The following WWOX variants were observed in gnomAD, a reference collection of about 807,000 sequenced individuals.
WWOX encodes WW domain containing oxidoreductase, also known as WW domain-containing oxidoreductase.
WWOX carries 69 observed loss-of-function variants against 46.2 expected under a neutral mutation model. The ratio of observed to expected loss-of-function variants is 1.49; its 90% CI spans 1.23 to 1.82. WWOX has a LOEUF of 1.82. Ranked by LOEUF, WWOX falls within the 40% of genes most tolerant of loss-of-function variation. The pLI is 0.00. For missense variants in WWOX, 919 were observed against 542.6 expected (o/e 1.69, Z -6.89); for synonymous variants, 359 against 202.6 (o/e 1.77, Z -6.56).
At chr16:78,442,878 T>C (rs1158722844) in intron 8 of WWOX, among the ~76,000 whole-genome samples, 1 of 151,946 alleles carries the variant, frequency 6.6e-6, no homozygotes, top group Non-Finnish European at 1.5e-5. Context: ...ATCCCAGCAC[T>C]TTGGGAGGCC....
chr16:78,298,431 G>C (rs2079978390), intron 5 of WWOX, among the ~76,000 whole-genome samples: 4 of 152,106 alleles, frequency 2.6e-5, no homozygotes, highest in Admixed American at 6.5e-5. Context: ...CTCAATGCCT[G>C]TGTGATCCTG....
At chr16:78,605,196 T>C (rs2045725881) in intron 8 of WWOX, among the ~76,000 whole-genome samples, 1 of 151,730 alleles carries the variant, frequency 6.6e-6, no homozygotes, top group South Asian at 2.1e-4. Context: ...CCTGTGAGTT[T>C]GCCACTTCAT....
intron 8 of WWOX, among the ~76,000 whole-genome samples, chr16:78,909,988 T>C (rs1018865927): frequency 2.0e-5 from 3 of 152,254 alleles, no homozygotes; most frequent in African/African-American, 7.2e-5. Flanking sequence ...ACCTATATTT[T>C]GATTTAAGAT....
chr16:78,484,985 T>G (rs2738695), intron 8 of WWOX, among the ~76,000 whole-genome samples: 1 of 151,928 alleles, frequency 6.6e-6, no homozygotes, highest in Non-Finnish European at 1.5e-5. Context: ...CCCTGCCTTC[T>G]GATGAGCTGA....
At chr16:78,980,939 C>T (rs1221684550) in intron 8 of WWOX, among the ~76,000 whole-genome samples, 4 of 152,044 alleles carry the variant, frequency 2.6e-5, no homozygotes, top group African/African-American at 9.7e-5. Context: ...ATGTTGAGAT[C>T]GAGTGATATA....
intron 6 of WWOX, among the ~76,000 whole-genome samples, chr16:78,397,774 C>G (rs13333343): frequency 6.6e-6 from 1 of 152,322 alleles, no homozygotes; most frequent in Admixed American, 6.5e-5. Context: ...ATCCGCCCAC[C>G]TCAACCTCCC....
intron 8 of WWOX, among the ~76,000 whole-genome samples, chr16:79,140,297 T>C (rs2050065158): frequency 6.6e-6 from 1 of 152,192 alleles, no homozygotes; most frequent in South Asian, 2.1e-4. Flanking sequence ...GGCCGATTTC[T>C]TGGACTTGCT....
chr16:79,025,997 A>C (rs2656650), intron 8 of WWOX, among the ~76,000 whole-genome samples: 118,676 of 150,446 alleles, frequency 0.79, 47,107 homozygotes, highest in East Asian at 0.92. Flanking sequence ...GATGGGTTTT[A>C]GCCATGTTGT....
chr16:78,785,104 A>G (rs759389527), intron 8 of WWOX, among the ~76,000 whole-genome samples: 8 of 152,210 alleles, frequency 5.3e-5, no homozygotes, highest in Non-Finnish European at 7.3e-5. Flanking sequence ...GAGAAATAAC[A>G]TCCATAAAAA....
intron 8 of WWOX, among the ~76,000 whole-genome samples, chr16:78,787,090 G>C (rs917175446): frequency 6.6e-6 from 1 of 152,188 alleles, no homozygotes; most frequent in South Asian, 2.1e-4. Flanking sequence ...GGAGGTTGCA[G>C]TGAGCCAAGA....
intron 5 of WWOX, among the ~76,000 whole-genome samples, chr16:78,288,441 A>T (rs1048152212): frequency 9.2e-5 from 14 of 152,136 alleles, no homozygotes; most frequent in African/African-American, 3.4e-4. Context: ...TTGTGGTGGC[A>T]GTGGTGGCTG....
chr16:79,033,101 C>G (rs955306643), intron 8 of WWOX, among the ~76,000 whole-genome samples: 1 of 149,476 alleles, frequency 6.7e-6, no homozygotes, highest in Non-Finnish European at 1.5e-5. Flanking sequence ...GACATGATCT[C>G]ATTATTTTTT....
chr16:78,757,376 G>T (rs73573727), intron 8 of WWOX, among the ~76,000 whole-genome samples: 3,561 of 152,176 alleles, frequency 0.023, 84 homozygotes, highest in African/African-American at 0.055. Flanking sequence ...CATTTAGAGG[G>T]AGCTGCGCTT....
chr16:79,143,489 T>A (rs2050128761), intron 8 of WWOX, among the ~76,000 whole-genome samples: 1 of 152,182 alleles, frequency 6.6e-6, no homozygotes, highest in African/African-American at 2.4e-5. Context: ...CTTTAATAGA[T>A]TTTACTAGCT....
intron 8 of WWOX, among the ~76,000 whole-genome samples, chr16:78,756,690 A>T (rs951815666): frequency 1.3e-5 from 2 of 152,148 alleles, no homozygotes; most frequent in African/African-American, 4.8e-5. Flanking sequence ...CTTCCGTTAA[A>T]CTACCATTAA....
chr16:79,174,680 G>T (rs1305851736), intron 8 of WWOX, among the ~76,000 whole-genome samples: 1 of 152,188 alleles, frequency 6.6e-6, no homozygotes, highest in Admixed American at 6.5e-5. Context: ...CTGATGTCCA[G>T]TGAATTTCTA....
At chr16:78,393,173 A>G (rs75486699) in intron 6 of WWOX, among the ~76,000 whole-genome samples, 3,501 of 152,224 alleles carry the variant, frequency 0.023, 137 homozygotes, top group African/African-American at 0.08. Context: ...GACCCTTTCT[A>G]ATCACTCAGA....
chr16:78,586,843 G>C (rs116230523), intron 8 of WWOX, among the ~76,000 whole-genome samples: 1,720 of 152,138 alleles, frequency 0.011, 31 homozygotes, highest in African/African-American at 0.039. Context: ...ACTCAGGTTT[G>C]TTTAAGTCCA....
intron 8 of WWOX, chr16:78,899,059 C>T (rs986217795): frequency 6.6e-6 from 1 of 152,006 alleles, no homozygotes; most frequent in Non-Finnish European, 1.5e-5. Context: ...TACTTCTTCT[C>T]CAATTTTTAT....
Sources: gnomAD v4.1 joint callset for allele counts (sites outside exome capture counted in the v4.1 genomes callset) on GRCh38, gnomAD v4.1.1 for gene constraint, MANE v1.5 for transcripts, NCBI Gene and HGNC (gene_info 2026-07-23, HGNC 2026-07-21) for gene names.